Variants in HGS observed in about 807,000 individuals in gnomAD.
The protein encoded by HGS is hepatocyte growth factor-regulated tyrosine kinase substrate.
HGS carries 63 observed loss-of-function variants against 109.7 expected under a neutral mutation model. That is an observed-to-expected ratio of 0.57 (90% CI 0.47 to 0.71). The LOEUF is 0.71. HGS is among the 30% of genes least tolerant of loss of function. HGS has a pLI of 0.00. For missense variants in HGS, 995 were observed against 1,068.3 expected (o/e 0.93, Z 0.96); for synonymous variants, 546 against 437.3 (o/e 1.25, Z -3.10).
Position 81,695,053 on chromosome 17 carries a change from A to G in HGS, c.1105A>G (p.Thr369Ala). ...GCCTGGGGAAGGGCACGCAGCCCCC[A>G]CCAACGTGGTGGAGGTGAGGGGGCC... is the stretch of plus-strand genomic sequence containing the variant. Reference protein sequence around the residue: ...AQPGEGHAAPTNVVENPLPET... With the variant: ...AQPGEGHAAPANVVENPLPET... Residue 369 changes from threonine (T) to alanine (A), a missense_variant, in exon 13 of 22, where the codon ACC becomes GCC. Physicochemically the swap from Thr to Ala is moderately conservative, Grantham distance 58 (BLOSUM62 0). Around this residue, in one of 6 missense-constraint regions of HGS, gnomAD observed 300 missense variants for 235.4 expected, o/e 1.27. Coordinates refer to ENST00000329138, the MANE Select transcript of HGS (RefSeq NM_004712.5). The G allele has an allele frequency of 1.2e-6, 2 of 1,613,182 alleles. No individual in the cohort carries two copies. Among genetic ancestry groups the G allele is most frequent in the Non-Finnish European group, 1.7e-6 (2 of 1,179,402 alleles).
At position 81,695,968 on chromosome 17, in the gene HGS, G is replaced by A. The variant is rs759552717; in HGVS notation, c.1362G>A (p.Leu454=). 5 of 1,569,322 alleles carry A rather than the reference G, an allele frequency of 3.2e-6. No individual in the cohort carries two copies. In the African/African-American group the frequency reaches 5.4e-5, roughly 17 times the overall value. The change falls in exon 15 of 22, where the codon CTG becomes CTA. Residue 454 remains leucine, a synonymous_variant. Coordinates refer to ENST00000329138, the MANE Select transcript of HGS (RefSeq NM_004712.5). ...QSINGMHPQL[L]ELLNQLDERR... is the part of the protein sequence containing the mutation. ...TCAACGGCATGCACCCGCAGCTGCT[G>A]GAGCTGCTCAACCAGCTGGACGAGC...
In HGS at chr17:81,700,607, A is replaced by G. The variant is rs1158233119; in HGVS notation, c.2016+7A>G. On this transcript the variant is annotated splice_region_variant and intron_variant, in intron 19 of 21. Coordinates refer to ENST00000329138, the MANE Select transcript of HGS (RefSeq NM_004712.5). ...TCCCACAGCGGGCTACCAGGTACAC[A>G]GGAAGGCCGCTCCTCTCCTTCCAGG... 1 of 1,599,138 alleles carries G rather than the reference A, an allele frequency of 6.3e-7. No individual in the cohort carries two copies. The highest frequency in any genetic ancestry group is 2.2e-5 in the East Asian group (1 of 44,670).
chr17:81,700,431 C>G (rs1357861403), intron 18 of HGS, 36 bp from the exon 19 acceptor site: 2 of 1,511,946 alleles, frequency 1.3e-6, no homozygotes, highest in East Asian at 2.3e-5. Flanking sequence ...CCCTGTTGCC[C>G]TGGCTGAACC....
In HGS at chr17:81,696,452, C is replaced by T. The variant is rs2037149964; in HGVS notation, c.1489C>T (p.Arg497Trp). ...LREEHREKLRRAAEEAERQRQ... is the reference protein window; with the variant it reads ...LREEHREKLRWAAEEAERQRQ... ...CGAAGAGCACCGGGAGAAGCTTCGC[C>T]GGGCAGCCGAGGAGGCAGAGCGCCA... Residue 497 changes from arginine to tryptophan, a missense_variant, in exon 16 of 22, where the codon CGG becomes TGG. Coordinates refer to ENST00000329138, the MANE Select transcript of HGS (RefSeq NM_004712.5). 9.1e-6 allele frequency: 14 copies of T among 1,545,180 alleles called. No individual in the cohort carries two copies. The highest frequency in any genetic ancestry group is 1.1e-5 in the Non-Finnish European group (13 of 1,147,350).
In HGS at chr17:81,691,478, G is replaced by A; in HGVS notation, c.569G>A (p.Cys190Tyr). 6.2e-7 allele frequency: 1 copy of A among 1,614,172 alleles called. No individual in the cohort carries two copies. The highest frequency in any genetic ancestry group is 8.5e-7 in the Non-Finnish European group (1 of 1,180,022). ...HHCRACGQIF[C>Y]GKCSSKYSTI... ...TGCCGGGCGTGTGGGCAGATATTCT[G>A]TGGAAAGTGTTCTTCCAAGTACTCC... Residue 190 changes from cysteine (C) to tyrosine (Y), a missense_variant, in exon 8 of 22, where the codon TGT becomes TAT. Cys to Tyr is a radical substitution (Grantham distance 194). Transcript: ENST00000329138. The surrounding 1 kb of genome is among the most constrained non-coding windows in gnomAD (Gnocchi z 5.3).
rs2037057475 is a variant in HGS, at chr17:81,691,097, C to T, written c.538-350C>T. ...CTCGAGGCATCTTCACATCAAAACC[C>T]CCTCCAGGCTGGCAACCGGCAGTGC... On this transcript the variant is annotated intron_variant, in intron 7 of 21. Transcript: ENST00000329138. This position sits in a 1 kb window ranked among gnomAD's most constrained non-coding sequence, Gnocchi z 5.3. The T allele has an allele frequency of 1.3e-5, 6 of 445,314 alleles. No individual in the cohort carries two copies. Among genetic ancestry groups the T allele is most frequent in the Admixed American group, 3.7e-5 (1 of 27,136 alleles). 27.6% of individuals were successfully genotyped at this position (445,314 alleles called of 1,614,324 possible). A position where few individuals can be genotyped will look rare whatever the true frequency, so the allele number is the denominator to read the frequency against.
In HGS at chr17:81,696,716, A is replaced by G; in HGVS notation, c.1676A>G (p.Gln559Arg). ...AAGCAGACGGTCCAGATGCGCGCGC[A>G]GATGCCCGCCTTCCCCCTGCCCTAC... ...QQKQTVQMRA[Q>R]MPAFPLPYAQ... Residue 559 changes from glutamine to arginine, a missense_variant, in exon 17 of 22, where the codon CAG (glutamine) becomes CGG (arginine). Gln to Arg is a conservative substitution (Grantham distance 43, BLOSUM62 1). This residue lies in a region of HGS where 326 missense variants were observed against 309.7 expected (regional missense o/e 1.05). Transcript: ENST00000329138. 6.8e-6 allele frequency: 11 copies of G among 1,608,434 alleles called. No individual in the cohort carries two copies. Among genetic ancestry groups the G allele is most frequent in the Non-Finnish European group, 9.3e-6 (11 of 1,177,228 alleles).
rs1367287588 is a variant in HGS at position 81,690,543 on chromosome 17, C to G, written c.469-131C>G. ...CAGGCCACGCCGCTGGGAAGGGCCG[C>G]CCGGGGCATTGCTCTCGCTCGTGCT... On this transcript the variant is annotated intron_variant, in intron 6 of 21. Coordinates refer to ENST00000329138, the MANE Select transcript of HGS (RefSeq NM_004712.5). 5.7e-6 allele frequency: 5 copies of G among 873,564 alleles called. No individual in the cohort carries two copies. The Admixed American group carries it at 1.4e-4, about 24-fold the overall frequency. The allele number at this position is 873,564 out of a possible 1,614,324, so 54.1% of individuals were successfully genotyped here. A position where few individuals can be genotyped will look rare whatever the true frequency, so the allele number is the denominator to read the frequency against.
chr17:81,694,077 C>G (rs1254237482), intron 11 of HGS, 112 bp downstream of exon 11: 1 of 902,442 alleles, frequency 1.1e-6, no homozygotes, highest in Non-Finnish European at 1.6e-6. Flanking sequence ...GGTCCCCGGG[C>G]TTCCCAGAGA....
At chr17:81,689,486 G>T (rs1478849336) in intron 5 of HGS, among the ~76,000 whole-genome samples, 5 of 152,056 alleles carry the variant, frequency 3.3e-5, no homozygotes, top group Non-Finnish European at 7.4e-5. Context: ...GCATTTGGGA[G>T]TCTTGGCTGG....
At chr17:81,693,293 C>G (rs901604897) in intron 8 of HGS, among the ~76,000 whole-genome samples, 1 of 152,242 alleles carries the variant, frequency 6.6e-6, no homozygotes, top group African/African-American at 2.4e-5. Flanking sequence ...CCCTGAGGGA[C>G]TCACCCGAGC....
intron 16 of HGS, 24 bp from the exon 17 acceptor site, chr17:81,696,583 A>G: frequency 6.3e-7 from 1 of 1,575,596 alleles, no homozygotes. Context: ...CTCGCAGCAT[A>G]ACCAGCATGT....
chr17:81,694,103 A>G lies in HGS; in HGVS notation c.936+138A>G. The G allele has an allele frequency of 4.3e-6, 3 of 692,736 alleles. No homozygotes were observed. In the South Asian group the frequency reaches 6.0e-5, roughly 14 times the overall value. The allele number at this position is 692,736 out of a possible 1,614,324, so 42.9% of individuals were successfully genotyped here. A position where few individuals can be genotyped will look rare whatever the true frequency, so the allele number is the denominator to read the frequency against. On this transcript the variant is annotated intron_variant, in intron 11 of 21. Coordinates refer to ENST00000329138, the MANE Select transcript of HGS (RefSeq NM_004712.5). Reference sequence around the variant, plus strand: ...TTCCCAGAGAGGACAGCCCCAGCACACGGGCGGACATCAGGGCAGAGCCCC... The same window carrying G: ...TTCCCAGAGAGGACAGCCCCAGCACGCGGGCGGACATCAGGGCAGAGCCCC...
rs2037042240 is a variant in HGS at position 81,690,231 on chromosome 17, G to T, written c.465G>T (p.Glu155Asp). 5.6e-6 allele frequency: 9 copies of T among 1,613,932 alleles called. No homozygotes were observed. Among genetic ancestry groups the T allele is most frequent in the Non-Finnish European group, 7.6e-6 (9 of 1,179,850 alleles). The change falls in exon 6 of 22, where the codon GAG becomes GAT. Residue 155 changes from glutamate to aspartate, a missense_variant. Physicochemically the swap from Glu to Asp is conservative, Grantham distance 45. Around this residue, in one of 6 missense-constraint regions of HGS, gnomAD observed 182 missense variants for 261.3 expected, o/e 0.70. Coordinates refer to ENST00000329138, the MANE Select transcript of HGS (RefSeq NM_004712.5). ...AGAGCGATGCCATGTTTGCTGCCGAGAGAGTGAGTGTGGGCGGCCGCCAGG... is the reference window on the plus strand; with the variant it reads ...AGAGCGATGCCATGTTTGCTGCCGATAGAGTGAGTGTGGGCGGCCGCCAGG... Reference protein sequence around the residue: ...FKESDAMFAAERAPDWVDAEE... With the variant: ...FKESDAMFAADRAPDWVDAEE...
chr17:81,693,879 T>C lies in HGS; in HGVS notation c.850T>C (p.Ser284Pro). The C allele has an allele frequency of 1.2e-6, 2 of 1,609,482 alleles. No individual in the cohort carries two copies. Among genetic ancestry groups the C allele is most frequent in the East Asian group, 2.2e-5 (1 of 44,854 alleles). ...TCTGATTCTGCCTCAGAGACAGAAG[T>C]CCACGTACACTTCGTACCCCAAGGC... ...AEEKERLRQK[S>P]TYTSYPKAEP... The change falls in exon 11 of 22, where the codon TCC (serine) becomes CCC (proline). Residue 284 changes from serine to proline, a missense_variant. Physicochemically the swap from Ser to Pro is moderately conservative, Grantham distance 74 (BLOSUM62 -1). Coordinates refer to ENST00000329138, the MANE Select transcript of HGS (RefSeq NM_004712.5).
At chr17:81,684,234 C>G (rs1454985167) in intron 1 of HGS, 131 bp downstream of exon 1, 1 of 873,380 alleles carries the variant, frequency 1.1e-6, no homozygotes, top group East Asian at 3.5e-5. Context: ...GGCCCGCTGT[C>G]CTCCCGGGTT....
chr17:81,696,735 G>A lies in HGS; in HGVS notation c.1695G>A (p.Leu565=). ...QMRAQMPAFP[L]PYAQLQAMPA... ...GCGCGCAGATGCCCGCCTTCCCCCT[G>A]CCCTACGCCCAGGCATGTGCCATCC... The change falls in exon 17 of 22, where the codon CTG becomes CTA. Residue 565 remains leucine, a synonymous_variant. Coordinates refer to ENST00000329138, the MANE Select transcript of HGS (RefSeq NM_004712.5). 1 of 1,606,964 alleles carries A rather than the reference G, an allele frequency of 6.2e-7. No homozygotes were observed. Among genetic ancestry groups the A allele is most frequent in the Non-Finnish European group, 8.5e-7 (1 of 1,176,042 alleles).
chr17:81,685,785 C>G (rs1375725070), intron 2 of HGS, 96 bp downstream of exon 2: 2 of 854,268 alleles, frequency 2.3e-6, no homozygotes, highest in East Asian at 2.6e-5. Context: ...CGTAGCTGAC[C>G]GTGTTAGGCT....
chr17:81,701,489 C>T lies in HGS; in HGVS notation c.2224-19C>T, dbSNP rs1277855228. The T allele has an allele frequency of 3.2e-6, 5 of 1,539,386 alleles. No homozygotes were observed. The highest frequency in any genetic ancestry group is 4.4e-6 in the Non-Finnish European group (5 of 1,147,764). On this transcript the variant is annotated intron_variant, in intron 21 of 21. Transcript: ENST00000329138. ...GGGGAAGGGAGGACCAGGGCCATGC[C>T]TGCTTTCCTCCTGCACAGATGGCAC...
Sources: allele counts gnomAD v4.1 joint callset (sites outside exome capture counted in the v4.1 genomes callset), GRCh38; gene constraint gnomAD v4.1.1; regional missense constraint gnomAD v4.1.1; non-coding constraint Gnocchi (gnomAD v3.1); transcripts MANE v1.5; gene names NCBI Gene and HGNC (gene_info 2026-07-23, HGNC 2026-07-21).